The following PAPOLA variants were observed in gnomAD, a reference collection of about 807,000 sequenced individuals.
The protein encoded by PAPOLA is poly(A) polymerase alpha.
Under a neutral mutation model 100.6 loss-of-function variants are expected in PAPOLA, and 15 were observed. The observed-to-expected ratio is 0.15, with a 90% CI of 0.10 to 0.23. PAPOLA has a LOEUF of 0.23. Among genes scored for constraint, PAPOLA ranks in the 10% least tolerant of loss-of-function variants. PAPOLA has a pLI of 1.00. For missense variants in PAPOLA, 533 were observed against 884.2 expected (o/e 0.60, Z 5.04); for synonymous variants, 293 against 300.0 (o/e 0.98, Z 0.24).
At position 96,555,328 on chromosome 14, in the gene PAPOLA, C is replaced by A. The variant is rs28591440; in HGVS notation, c.1665-519C>A. ...AGCTCAAGCAATCCTTCCACCTCACCTCCCAGAGTGCTAGGGTTACAGGCG... is the reference window on the plus strand; with the variant it reads ...AGCTCAAGCAATCCTTCCACCTCACATCCCAGAGTGCTAGGGTTACAGGCG... On this transcript the variant is annotated intron_variant, in intron 17 of 21. Coordinates refer to ENST00000216277, the MANE Select transcript of PAPOLA (RefSeq NM_032632.5). Among the ~76,000 whole-genome samples, 242 of 151,336 alleles carry A rather than the reference C, an allele frequency of 1.6e-3. 3 individuals are homozygous for A. The highest frequency in any genetic ancestry group is 5.7e-3 in the African/African-American group (236 of 41,232).
At chr14:96,528,562 A>C (rs908889698) in intron 6 of PAPOLA, among the ~76,000 whole-genome samples, 1 of 152,240 alleles carries the variant, frequency 6.6e-6, no homozygotes, top group Non-Finnish European at 1.5e-5. Context: ...GGAAAGTCAC[A>C]GATAATAAAG....
chr14:96,527,842 C>A, intron 5 of PAPOLA, 111 bp from the exon 6 acceptor site: 1 of 789,432 alleles, frequency 1.3e-6, no homozygotes, highest in South Asian at 1.4e-5. Context: ...ATCGAACAGC[C>A]CAGTCTTAAA....
At chr14:96,561,006 G>C (rs1195190450) in intron 20 of PAPOLA, among the ~76,000 whole-genome samples, 1 of 152,156 alleles carries the variant, frequency 6.6e-6, no homozygotes, top group Admixed American at 6.5e-5. Flanking sequence ...AGAAAAGTAA[G>C]ATGTTATTTC....
chr14:96,559,892 T>C (rs1473275664), intron 19 of PAPOLA, among the ~76,000 whole-genome samples: 1 of 152,030 alleles, frequency 6.6e-6, no homozygotes. Context: ...CACACAAATA[T>C]TAATAATCCA....
chr14:96,534,607 A>G, intron 10 of PAPOLA, 44 bp downstream of exon 10: 1 of 1,613,262 alleles, frequency 6.2e-7, no homozygotes, highest in Admixed American at 1.7e-5. Context: ...ACTGTGCAAT[A>G]ACAAGTAAAA....
intron 15 of PAPOLA, 110 bp from the exon 16 acceptor site, chr14:96,547,687 T>A: frequency 2.7e-6 from 2 of 745,100 alleles, no homozygotes; most frequent in Non-Finnish European, 4.3e-6. Context: ...TCTACAGATA[T>A]GCAGTATTGA....
chr14:96,519,366 G>A (rs919310479), intron 1 of PAPOLA, among the ~76,000 whole-genome samples: 13 of 151,990 alleles, frequency 8.6e-5, no homozygotes, highest in Admixed American at 2.6e-4. Flanking sequence ...TTAATTTAAT[G>A]AAAAAATATT....
At chr14:96,530,694 C>T (rs948195633) in intron 6 of PAPOLA, among the ~76,000 whole-genome samples, 3 of 151,966 alleles carry the variant, frequency 2.0e-5, no homozygotes, top group Non-Finnish European at 4.4e-5. Flanking sequence ...CCTATATTGC[C>T]ATGTTTTAAA....
intron 1 of PAPOLA, among the ~76,000 whole-genome samples, chr14:96,506,542 A>G (rs995973597): frequency 6.6e-6 from 1 of 152,248 alleles, no homozygotes; most frequent in African/African-American, 2.4e-5. Flanking sequence ...ATTCCTGGCC[A>G]GTGAAAAATT....
intron 21 of PAPOLA, 127 bp downstream of exon 21, chr14:96,563,020 C>T (rs1355570363): frequency 2.7e-5 from 16 of 584,786 alleles, no homozygotes; most frequent in Non-Finnish European, 4.2e-5. Flanking sequence ...TACTTGCTAG[C>T]CTATAAACGT....
At chr14:96,505,570 C>G (rs1446915444) in intron 1 of PAPOLA, among the ~76,000 whole-genome samples, 3 of 151,932 alleles carry the variant, frequency 2.0e-5, no homozygotes, top group African/African-American at 7.3e-5. Context: ...GAGACAATAG[C>G]AAAAATGTTT....
At chr14:96,521,364 G>A (rs1897946793) in intron 3 of PAPOLA, among the ~76,000 whole-genome samples, 2 of 152,112 alleles carry the variant, frequency 1.3e-5, no homozygotes, top group Admixed American at 1.3e-4. Context: ...AATAATGGAT[G>A]TTTCTCTAAA....
chr14:96,527,712 ACT>A, intron 5 of PAPOLA, 173 bp downstream of exon 5: 1 of 609,752 alleles, frequency 1.6e-6, no homozygotes, highest in Non-Finnish European at 2.9e-6. Flanking sequence ...AAAATTATAA[ACT>A]CATTTACAGA....
Position 96,564,990 on chromosome 14 carries a change from T to C in PAPOLA, c.2178T>C (p.Ala726=). 6.2e-7 allele frequency: 1 copy of C among 1,602,110 alleles called. No individual in the cohort carries two copies. Among genetic ancestry groups the C allele is most frequent in the Non-Finnish European group, 8.6e-7 (1 of 1,169,258 alleles). The change falls in exon 22 of 22, where the codon GCT becomes GCC. Residue 726 remains alanine (A), a synonymous_variant. Transcript: ENST00000216277. ...GTACAGACCTTTCTGATATCCCTGCTCTCCCTGCAAATCCTATTCCTGTTA... is the reference window on the plus strand; with the variant it reads ...GTACAGACCTTTCTGATATCCCTGCCCTCCCTGCAAATCCTATTCCTGTTA... The part of the protein sequence containing the change: ...TSSTDLSDIP[A]LPANPIPVIK...
chr14:96,508,943 CAG>C (rs1218507812), intron 1 of PAPOLA, among the ~76,000 whole-genome samples: 1 of 152,218 alleles, frequency 6.6e-6, no homozygotes, highest in African/African-American at 2.4e-5. Flanking sequence ...GGGCTTAAAT[CAG>C]CTCTGGATTC....
At chr14:96,533,888 AAAT>A in intron 9 of PAPOLA, 1 of 985,722 alleles carries the variant, frequency 1.0e-6, no homozygotes, top group Non-Finnish European at 1.2e-6. Context: ...ATATATAAGC[AAAT>A]AATGTTTTTA....
At chr14:96,520,461 C>T (rs546531634) in intron 2 of PAPOLA, among the ~76,000 whole-genome samples, 136 of 152,144 alleles carry the variant, frequency 8.9e-4, no homozygotes, top group African/African-American at 3.1e-3. Flanking sequence ...CCACAGCCTC[C>T]GCCTCCTGGG....
intron 5 of PAPOLA, 72 bp downstream of exon 5, chr14:96,527,611 T>C: frequency 1.2e-6 from 1 of 818,070 alleles, no homozygotes; most frequent in Non-Finnish European, 2.1e-6. Flanking sequence ...AATTTTATGA[T>C]ATAGCCATCA....
In PAPOLA at chr14:96,566,336, G is replaced by C. The variant is rs986221388; in HGVS notation, c.*1286G>C. On this transcript the variant is annotated 3_prime_UTR_variant, in exon 22 of 22. Coordinates refer to ENST00000216277, the MANE Select transcript of PAPOLA (RefSeq NM_032632.5). Reference sequence around the variant, plus strand: ...CAAAAGATTAAGAGCTCCTTTCTTTGAATAAAATAATTTCTCATAATTAAG... The same window carrying C: ...CAAAAGATTAAGAGCTCCTTTCTTTCAATAAAATAATTTCTCATAATTAAG... The C allele has an allele frequency of 6.4e-6, 1 of 157,242 alleles. No individual in the cohort carries two copies. The highest frequency in any genetic ancestry group is 2.4e-5 in the African/African-American group (1 of 41,590). 9.7% of individuals were successfully genotyped at this position (157,242 alleles called of 1,614,324 possible).
Sources: gnomAD v4.1 joint callset for allele counts (sites outside exome capture counted in the v4.1 genomes callset) on GRCh38, gnomAD v4.1.1 for gene constraint, MANE v1.5 for transcripts, NCBI Gene and HGNC (gene_info 2026-07-23, HGNC 2026-07-21) for gene names.